Variants in ITGB1 observed in about 807,000 individuals in gnomAD.
ITGB1 encodes the protein integrin subunit beta 1.
ITGB1 carries 24 observed loss-of-function variants against 86.5 expected under a neutral mutation model. The ratio of observed to expected loss-of-function variants is 0.28; its 90% CI spans 0.20 to 0.39. The LOEUF (loss-of-function observed/expected upper bound fraction) is 0.39. Among genes scored for constraint, ITGB1 ranks in the 10% least tolerant of loss-of-function variants. The pLI is 1.00. For synonymous variants in ITGB1, 323 were observed against 316.8 expected (o/e 1.02, Z -0.21); for missense variants, 556 against 946.9 (o/e 0.59, Z 5.42).
intron 14 of ITGB1, 36 bp from the exon 15 acceptor site, chr10:32,908,570 G>C (rs951128092): frequency 6.3e-7 from 1 of 1,582,656 alleles, no homozygotes; most frequent in East Asian, 2.2e-5. Context: ...GCACCACAAA[G>C]AGCTGTGCAG....
rs201159705 is a variant in ITGB1 at position 32,911,493 on chromosome 10, G to A, written c.1886C>T (p.Thr629Met). 5.0e-6 allele frequency: 8 copies of A among 1,613,976 alleles called. No homozygotes were observed. Among genetic ancestry groups the A allele is most frequent in the Middle Eastern group, 1.6e-4 (1 of 6,084 alleles). Residue 629 changes from threonine to methionine, a missense_variant, in exon 13 of 16, where the codon ACG becomes ATG. Physicochemically the swap from Thr to Met is moderately conservative, Grantham distance 81. This residue lies in a region of ITGB1 where 330 missense variants were observed against 531.5 expected (regional missense o/e 0.62). Transcript: ENST00000302278. ...KCTDPKFQGQTCEMCQTCLGV... is the reference protein window; with the variant it reads ...KCTDPKFQGQMCEMCQTCLGV... ...AAGGCAGGTCTGACACATCTCACAC[G>A]TTTGCCCTTGAAACTTCGGATCTGT...
intron 2 of ITGB1, among the ~76,000 whole-genome samples, chr10:32,933,153 A>G (rs930410375): frequency 1.5e-5 from 2 of 131,290 alleles, no homozygotes; most frequent in African/African-American, 4.9e-5. Flanking sequence ...GGTGAGAACA[A>G]TGCAAAATTT....
chr10:32,903,453 A>T (rs984772008), intron 15 of ITGB1, among the ~76,000 whole-genome samples: 52 of 45,852 alleles, frequency 1.1e-3, no homozygotes, highest in African/African-American at 2.3e-3. Flanking sequence ...CCTTGCTATG[A>T]AGTCTGAAAC....
chr10:32,942,850 A>G (rs1455168141), intron 1 of ITGB1, among the ~76,000 whole-genome samples: 1 of 151,964 alleles, frequency 6.6e-6, no homozygotes. Context: ...ATGCCCACCT[A>G]GAGATCCTGG....
chr10:32,933,774 G>A (rs1253654693), intron 2 of ITGB1, among the ~76,000 whole-genome samples: 1 of 152,064 alleles, frequency 6.6e-6, no homozygotes, highest in African/African-American at 2.4e-5. Flanking sequence ...TATATATACA[G>A]TTGTACAGTT....
intron 15 of ITGB1, among the ~76,000 whole-genome samples, chr10:32,904,550 C>T (rs2094891010): frequency 6.6e-6 from 1 of 152,170 alleles, no homozygotes; most frequent in South Asian, 2.1e-4. Context: ...TCTTAATGTT[C>T]CTACATGGTA....
chr10:32,944,532 C>A (rs944073506), intron 1 of ITGB1: 8 of 431,628 alleles, frequency 1.9e-5, no homozygotes, highest in Non-Finnish European at 3.2e-5. Flanking sequence ...CTGCGGGGCA[C>A]AGAAATTAAT....
In ITGB1 at chr10:32,956,408, A is replaced by C. The variant is rs565765880; in HGVS notation, c.-1+1737T>G. On this transcript the variant is annotated intron_variant, in intron 1 of 15. Transcript: ENST00000302278. Reference sequence around the variant, plus strand: ...CATTAAAACTACAATTAAAAAAAAAAAAATAAAAAAACCTAAGGGCCAGGT... The same window carrying C: ...CATTAAAACTACAATTAAAAAAAAACAAATAAAAAAACCTAAGGGCCAGGT... 7.4e-3 allele frequency among the ~76,000 whole-genome samples: 1,104 copies of C among 149,144 alleles called. 6 individuals carry two copies. Among genetic ancestry groups the C allele is most frequent in the Middle Eastern group, 0.024 (7 of 288 alleles).
At chr10:32,920,563 T>A (rs1196855417) in intron 9 of ITGB1, among the ~76,000 whole-genome samples, 178 bp from the exon 10 acceptor site, 1 of 152,086 alleles carries the variant, frequency 6.6e-6, no homozygotes, top group African/African-American at 2.4e-5. Flanking sequence ...TTAATAAGGA[T>A]CAAATCTTTA....
At chr10:32,904,378 T>A (rs756174555) in intron 15 of ITGB1, among the ~76,000 whole-genome samples, 5 of 152,204 alleles carry the variant, frequency 3.3e-5, no homozygotes, top group Non-Finnish European at 7.3e-5. Context: ...CTGGAATGGC[T>A]GACAGTGGTA....
intron 1 of ITGB1, among the ~76,000 whole-genome samples, chr10:32,943,315 G>T (rs1368044332): frequency 6.6e-6 from 1 of 152,018 alleles, no homozygotes; most frequent in Non-Finnish European, 1.5e-5. Flanking sequence ...GTTATAAGAT[G>T]GTCAACCAGA....
At chr10:32,950,290 C>T in intron 1 of ITGB1, among the ~76,000 whole-genome samples, 1 of 152,212 alleles carries the variant, frequency 6.6e-6, no homozygotes, top group East Asian at 1.9e-4. Flanking sequence ...ACTTATCCCA[C>T]ATAGAGAGTA....
intron 1 of ITGB1, among the ~76,000 whole-genome samples, chr10:32,946,414 C>T (rs1201434980): frequency 6.6e-6 from 1 of 152,038 alleles, no homozygotes; most frequent in Non-Finnish European, 1.5e-5. Flanking sequence ...GAAATTGATA[C>T]CTGCTAGCAT....
At chr10:32,921,123 T>C (rs2094948355) in intron 9 of ITGB1, among the ~76,000 whole-genome samples, 1 of 145,144 alleles carries the variant, frequency 6.9e-6, no homozygotes, top group Admixed American at 7.0e-5. Flanking sequence ...AACTATGCAG[T>C]CTAGGAACAA....
chr10:32,928,010 T>G, intron 5 of ITGB1, 84 bp downstream of exon 5: 1 of 808,350 alleles, frequency 1.2e-6, no homozygotes, highest in Non-Finnish European at 1.9e-6. Context: ...ATGTTGTGAG[T>G]AACAAAGGAA....
chr10:32,945,850 G>GT (rs2095030230), intron 1 of ITGB1, among the ~76,000 whole-genome samples: 1 of 152,100 alleles, frequency 6.6e-6, no homozygotes, highest in African/African-American at 2.4e-5. Context: ...CATATATGCT[G>GT]TATTTATTTT....
chr10:32,944,563 T>C (rs867967412), intron 1 of ITGB1: 1 of 485,262 alleles, frequency 2.1e-6, no homozygotes, highest in Non-Finnish European at 4.0e-6. Flanking sequence ...ACGCTTTCAT[T>C]GACCAAAGGA....
intron 13 of ITGB1, 135 bp from the exon 14 acceptor site, chr10:32,910,590 G>A (rs931496643): frequency 3.5e-6 from 2 of 574,962 alleles, no homozygotes; most frequent in African/African-American, 3.8e-5. Flanking sequence ...AATAAATGAA[G>A]AGGAACATTA....
At chr10:32,928,038 T>C (rs2094970824) in intron 5 of ITGB1, 56 bp downstream of exon 5, 6 of 979,476 alleles carry the variant, frequency 6.1e-6, no homozygotes, top group Non-Finnish European at 9.1e-6. Flanking sequence ...TAAAACAACA[T>C]TTGAGAATTG....
Sources: allele counts gnomAD v4.1 joint callset (sites outside exome capture counted in the v4.1 genomes callset), GRCh38; gene constraint gnomAD v4.1.1; regional missense constraint gnomAD v4.1.1; transcripts MANE v1.5; gene names NCBI Gene and HGNC (gene_info 2026-07-23, HGNC 2026-07-21).